The following CFAP74 variants were observed in gnomAD, a reference collection of about 807,000 sequenced individuals.
The protein encoded by CFAP74 is cilia and flagella associated protein 74, also known as cilia- and flagella-associated protein 74.
CFAP74 carries 124 observed loss-of-function variants against 188.9 expected under a neutral mutation model. The ratio of observed to expected loss-of-function variants is 0.66; its 90% CI spans 0.57 to 0.76. The LOEUF (loss-of-function observed/expected upper bound fraction) is 0.76. CFAP74 is among the 30% of genes least tolerant of loss of function. The probability of loss-of-function intolerance (pLI) is 0.00; values close to 1 mark genes in which losing one functional copy is unlikely to be tolerated. For synonymous variants in CFAP74, 956 were observed against 916.7 expected, an observed-to-expected ratio of 1.04 and a Z score of -0.77; for missense variants, 2,198 against 2,165.2, an observed-to-expected ratio of 1.02 and a Z score of -0.30.
intron 14 of CFAP74, among the ~76,000 whole-genome samples, chr1:1,962,770 A>G (rs1015587960): frequency 2.6e-5 from 4 of 152,110 alleles, no homozygotes; most frequent in African/African-American, 9.7e-5. Context: ...CTGTGGTCCC[A>G]GTTACTCAGG....
In CFAP74 at chr1:1,923,153, GGT is replaced by G; in HGVS notation, c.4523-10_4523-9del. On this transcript the variant is annotated splice_polypyrimidine_tract_variant and intron_variant, in intron 36 of 38. Coordinates refer to ENST00000682832, the MANE Select transcript of CFAP74 (RefSeq NM_001304360.2). This position sits in a 1 kb window ranked among gnomAD's most constrained non-coding sequence, Gnocchi z 6.3. ...GGCCTGGCCGGGAGCTGGCTGGAGGGGTGTGGCCAGGGGAGCTGTTCAGGGTC... is the reference window on the plus strand; with the variant it reads ...GGCCTGGCCGGGAGCTGGCTGGAGGGGTGGCCAGGGGAGCTGTTCAGGGTC... The G allele has an allele frequency of 1.2e-6, 2 of 1,603,140 alleles. No individual in the cohort carries two copies. Among genetic ancestry groups the G allele is most frequent in the Non-Finnish European group, 1.7e-6 (2 of 1,176,414 alleles).
chr1:1,982,469 T>C (rs1656964844), intron 6 of CFAP74, among the ~76,000 whole-genome samples: 2 of 152,232 alleles, frequency 1.3e-5, no homozygotes, highest in Non-Finnish European at 2.9e-5. Flanking sequence ...CCTCAGGCTG[T>C]GCCCAGGAGC....
chr1:1,977,578 T>G (rs2102088695), intron 6 of CFAP74, among the ~76,000 whole-genome samples: 1 of 152,284 alleles, frequency 6.6e-6, no homozygotes, highest in African/African-American at 2.4e-5. Context: ...GTAGCCAATC[T>G]ACACAGCAGG....
rs188198199 is a variant in CFAP74 at position 1,964,083 on chromosome 1, C to T, written c.1576-216G>A. ...GTGGAACCTGTCACATAAGAGCCTT[C>T]GCCACTTGAGGCAGGACAGGGCCTT... is the stretch of plus-strand genomic sequence containing the variant. On this transcript the variant is annotated intron_variant, in intron 13 of 38. Transcript: ENST00000682832. Among the ~76,000 whole-genome samples, 1,085 of 152,338 alleles carry T rather than the reference C, an allele frequency of 7.1e-3. 15 individuals carry two copies. The highest frequency in any genetic ancestry group is 9.0e-3 in the Non-Finnish European group (614 of 68,034).
chr1:1,928,861 A>T lies in CFAP74; in HGVS notation c.3310T>A (p.Phe1104Ile), dbSNP rs750254233. Residue 1104 changes from phenylalanine (F) to isoleucine (I), a missense_variant, in exon 27 of 39, where the codon TTC becomes ATC. Transcript: ENST00000682832. ...PGKRCLVQVA[F>I]RPVLPEKLIR... is the part of the protein sequence containing the mutation. ...AGCTTCTCGGGCAGCACTGGCCGGA[A>T]GGCCACCTGGACCAGGCACCTCTGA... 21 of 1,535,482 alleles carry T rather than the reference A, an allele frequency of 1.4e-5. No individual in the cohort carries two copies. The highest frequency in any genetic ancestry group is 1.8e-5 in the Non-Finnish European group (21 of 1,146,686).
At chr1:1,989,436 C>T (rs1372632323) in intron 2 of CFAP74, among the ~76,000 whole-genome samples, 1 of 152,206 alleles carries the variant, frequency 6.6e-6, no homozygotes, top group Non-Finnish European at 1.5e-5. Context: ...GCTCATCCAC[C>T]CACTCCCTTT....
At position 1,969,340 on chromosome 1, in the gene CFAP74, G is replaced by T. The variant is rs1248553949; in HGVS notation, c.1047-507C>A. Among the ~76,000 whole-genome samples, 3 of 130,122 alleles carry T rather than the reference G, an allele frequency of 2.3e-5. No homozygotes were observed. In the East Asian group the frequency reaches 6.9e-4, roughly 30 times the overall value. 85.4% of individuals were successfully genotyped at this position (130,122 alleles called of 152,430 possible). On this transcript the variant is annotated intron_variant, in intron 10 of 38. Transcript: ENST00000682832. Reference sequence around the variant, plus strand: ...GCCCAGCCCTGCCTTGCCCAGCCCTGCCCTGCCCAGCCCAGCCCAGACCTT... The same window carrying T: ...GCCCAGCCCTGCCTTGCCCAGCCCTTCCCTGCCCAGCCCAGCCCAGACCTT...
chr1:1,955,010 G>A (rs1558021274), intron 18 of CFAP74: 1 of 1,227,902 alleles, frequency 8.1e-7, no homozygotes, highest in Non-Finnish European at 1.0e-6. Context: ...CCACGCAGTG[G>A]TGAGGACAGG....
Position 1,946,332 on chromosome 1 carries a change from G to T in CFAP74, c.2349C>A (p.Asn783Lys), listed in dbSNP as rs961724837. The T allele has an allele frequency of 6.5e-7, 1 of 1,536,232 alleles. No homozygotes were observed. ...VQARFKVTFK[N>K]PQCPTLHFRV... ...GAATACTCACCGTGGGGCACTGGGG[G>T]TTCTTAAACGTGACTTTGAACCTGG... is the stretch of plus-strand genomic sequence containing the variant. Residue 783 changes from asparagine to lysine, a missense_variant, in exon 20 of 39, where the codon AAC (asparagine) becomes AAA (lysine). By Grantham distance (94) the Asn-to-Lys change is moderately conservative. Transcript: ENST00000682832.
At chr1:1,922,859 A>G in intron 37 of CFAP74, 126 bp downstream of exon 37, 1 of 1,481,964 alleles carries the variant, frequency 6.7e-7, no homozygotes, top group Non-Finnish European at 9.0e-7. Flanking sequence ...TGCCACAGGA[A>G]GTCCGAGAAA....
At chr1:1,999,418 G>T (rs558304896) in intron 1 of CFAP74, among the ~76,000 whole-genome samples, 2 of 152,276 alleles carry the variant, frequency 1.3e-5, no homozygotes, top group Non-Finnish European at 2.9e-5. Context: ...GGAGTCGATG[G>T]GGGGTGGGAA....
intron 25 of CFAP74, among the ~76,000 whole-genome samples, chr1:1,931,743 CA>C (rs34088299): frequency 0.52 from 40,015 of 77,434 alleles, 7,091 homozygotes; most frequent in East Asian, 0.59. Context: ...GTCTCTGTCT[CA>C]AAAAAAAAAA....
chr1:1,992,316 G>A (rs891208351), intron 1 of CFAP74, among the ~76,000 whole-genome samples: 2 of 151,824 alleles, frequency 1.3e-5, no homozygotes, highest in East Asian at 1.9e-4. Context: ...CGCACATGCC[G>A]CCATGCCCAG....
intron 14 of CFAP74, among the ~76,000 whole-genome samples, chr1:1,962,442 C>CTCCA (rs1412282013): frequency 6.9e-6 from 1 of 144,600 alleles, no homozygotes; most frequent in Admixed American, 7.0e-5. Context: ...TGCCACTATA[C>CTCCA]TCCAGCCTGG....
intron 18 of CFAP74, among the ~76,000 whole-genome samples, chr1:1,952,550 GGAA>G (rs1654267778): frequency 6.7e-6 from 1 of 148,652 alleles, no homozygotes; most frequent in African/African-American, 2.5e-5. Flanking sequence ...AAAGAAAAAA[GGAA>G]GGAAGGAAGG....
rs1322773600 is a variant in CFAP74, at chr1:1,955,275, A to G, written c.2176+416T>C. ...GGCGGCGGGCTGCAGGGCAGGAGGC[A>G]TGGGGAGGGCAGGGCCCGCCCGTTT... On this transcript the variant is annotated intron_variant, in intron 18 of 38. Transcript: ENST00000682832. 3.1e-6 allele frequency: 4 copies of G among 1,294,092 alleles called. No individual in the cohort carries two copies. In the South Asian group the frequency reaches 3.7e-5, roughly 12 times the overall value. The allele number at this position is 1,294,092 out of a possible 1,614,324, so 80.2% of individuals were successfully genotyped here.
In CFAP74 at chr1:1,963,757, G is replaced by A. The variant is rs777556501; in HGVS notation, c.1686C>T (p.Ile562=). The change falls in exon 14 of 39, where the codon ATC becomes ATT. Residue 562 remains isoleucine (I), a synonymous_variant. Coordinates refer to ENST00000682832, the MANE Select transcript of CFAP74 (RefSeq NM_001304360.2). ...CTGAGCCGTCCTCTTACTCAACGTG[G>A]ATGAAGTCCCGGAGGTGCTCCTCCA... The part of the protein sequence containing the change: ...VGVEEHLRDF[I]HVDFDPPGPL... 5.0e-6 allele frequency: 8 copies of A among 1,610,640 alleles called. No individual in the cohort carries two copies. Among genetic ancestry groups the A allele is most frequent in the South Asian group, 2.2e-5 (2 of 90,936 alleles).
At chr1:1,949,161 CCCT>C (rs1200051897) in intron 18 of CFAP74, among the ~76,000 whole-genome samples, 1 of 123,780 alleles carries the variant, frequency 8.1e-6, no homozygotes, top group Non-Finnish European at 1.8e-5. Flanking sequence ...TCCCCTCCCT[CCCT>C]CCTTTCCTTC....
Position 1,973,914 on chromosome 1 carries a change from T to A in CFAP74, c.674+111A>T. 1 of 1,060,782 alleles carries A rather than the reference T, an allele frequency of 9.4e-7. No homozygotes were observed. Among genetic ancestry groups the A allele is most frequent in the East Asian group, 3.0e-5 (1 of 33,736 alleles). 65.7% of individuals were successfully genotyped at this position (1,060,782 alleles called of 1,614,324 possible). ...GGAGGCAGGGAGGGGTGGAGGTGGA[T>A]CTGGACAGATGTGGAGGGCGAGGCT... On this transcript the variant is annotated intron_variant, in intron 7 of 38. Transcript: ENST00000682832. This position sits in a 1 kb window ranked among gnomAD's most constrained non-coding sequence, Gnocchi z 6.2.
Sources: allele counts gnomAD v4.1 joint callset (sites outside exome capture counted in the v4.1 genomes callset), GRCh38; gene constraint gnomAD v4.1.1; non-coding constraint Gnocchi (gnomAD v3.1); transcripts MANE v1.5; gene names NCBI Gene and HGNC (gene_info 2026-07-23, HGNC 2026-07-21).